ZRANB3: variants seen among roughly 807,000 people sequenced by gnomAD.
The protein encoded by ZRANB3 is zinc finger RANBP2-type containing 3, also known as DNA annealing helicase and endonuclease ZRANB3.
ZRANB3 carries 125 observed loss-of-function variants against 133.8 expected under a neutral mutation model. That is an observed-to-expected ratio of 0.93 (90% CI 0.81 to 1.08). The LOEUF (loss-of-function observed/expected upper bound fraction) is 1.08, where lower values mean the gene tolerates loss of function less well. Ranked by LOEUF, ZRANB3 falls within the 50% of genes least tolerant of loss-of-function variation. The pLI is 0.00. For missense variants in ZRANB3, 1,229 were observed against 1,275.5 expected, an observed-to-expected ratio of 0.96 and a Z score of 0.56; for synonymous variants, 387 against 432.7, an observed-to-expected ratio of 0.89 and a Z score of 1.31.
chr2:135,386,779 G>A (rs1029712276), intron 3 of ZRANB3, among the ~76,000 whole-genome samples: 1 of 152,088 alleles, frequency 6.6e-6, no homozygotes, highest in African/African-American at 2.4e-5. Context: ...ACTCTTAGGT[G>A]GGAACTGAAC....
intron 8 of ZRANB3, among the ~76,000 whole-genome samples, chr2:135,288,896 G>T (rs1681537551): frequency 6.6e-6 from 1 of 151,738 alleles, no homozygotes; most frequent in Non-Finnish European, 1.5e-5. Context: ...GTGTGTGTGT[G>T]TGTGTGTGTG....
chr2:135,313,418 T>C, intron 8 of ZRANB3, 71 bp downstream of exon 8: 1 of 991,636 alleles, frequency 1.0e-6, no homozygotes, highest in East Asian at 2.6e-5. Flanking sequence ...ATAACTTGCT[T>C]AATTAAAAAC....
chr2:135,269,282 T>G (rs956764769), intron 10 of ZRANB3, 141 bp from the exon 11 acceptor site: 1 of 620,972 alleles, frequency 1.6e-6, no homozygotes, highest in South Asian at 4.1e-5. Context: ...TAAGATTTAA[T>G]TCATGAAAGG....
intron 8 of ZRANB3, among the ~76,000 whole-genome samples, chr2:135,303,466 A>C (rs1466234005): frequency 6.6e-6 from 1 of 152,144 alleles, no homozygotes; most frequent in Non-Finnish European, 1.5e-5. Flanking sequence ...CCCGTTACTG[A>C]AAACTATAAT....
At chr2:135,231,487 C>T (rs572378623) in intron 12 of ZRANB3, among the ~76,000 whole-genome samples, 34 of 152,168 alleles carry the variant, frequency 2.2e-4, no homozygotes, top group Admixed American at 1.2e-3. Context: ...AGGCTGGGTG[C>T]GGTGGCTCAT....
In ZRANB3 at chr2:135,269,015, G is replaced by A. The variant is rs768329407; in HGVS notation, c.1333C>T (p.Leu445Phe). The change falls in exon 11 of 21, where the codon CTT (leucine) becomes TTT (phenylalanine). Residue 445 changes from leucine to phenylalanine, a missense_variant. Leu to Phe is a conservative substitution (Grantham distance 22). Coordinates refer to ENST00000264159, the MANE Select transcript of ZRANB3 (RefSeq NM_032143.4). ...GQCSSVNIHY[L>F]IANGTLDTLM... ...GTGTCTAGGGTTCCATTTGCAATAA[G>A]GTAGTGAATATTCACAGAACTGCAC... 2 of 1,612,046 alleles carry A rather than the reference G, an allele frequency of 1.2e-6. No homozygotes were observed. Among genetic ancestry groups the A allele is most frequent in the Non-Finnish European group, 8.5e-7 (1 of 1,179,338 alleles).
At chr2:135,482,798 C>T in intron 2 of ZRANB3, among the ~76,000 whole-genome samples, 1 of 152,154 alleles carries the variant, frequency 6.6e-6, no homozygotes, top group East Asian at 1.9e-4. Flanking sequence ...TCCATCAGTA[C>T]CTAATTTATT....
intron 12 of ZRANB3, among the ~76,000 whole-genome samples, chr2:135,238,455 G>T (rs1401778186): frequency 6.7e-6 from 1 of 149,396 alleles, no homozygotes; most frequent in African/African-American, 2.5e-5. Context: ...GTACAATGGC[G>T]CAATCTTGGC....
chr2:135,529,708 T>G (rs1026063249), intron 1 of ZRANB3, among the ~76,000 whole-genome samples: 24 of 151,682 alleles, frequency 1.6e-4, no homozygotes, highest in African/African-American at 4.8e-4. Flanking sequence ...AGACACAAGA[T>G]TTCACCATGT....
At chr2:135,294,780 G>C (rs997755688) in intron 8 of ZRANB3, among the ~76,000 whole-genome samples, 1 of 151,972 alleles carries the variant, frequency 6.6e-6, no homozygotes, top group Admixed American at 6.6e-5. Flanking sequence ...GTGTCCCAGA[G>C]ACTTTGGTAT....
intron 8 of ZRANB3, among the ~76,000 whole-genome samples, chr2:135,283,578 C>A (rs1681199632): frequency 6.7e-6 from 1 of 150,204 alleles, no homozygotes; most frequent in African/African-American, 2.5e-5. Flanking sequence ...GATCATGCCA[C>A]TGCACTCCAG....
At chr2:135,337,231 G>A (rs1230876389) in intron 6 of ZRANB3, among the ~76,000 whole-genome samples, 1 of 152,074 alleles carries the variant, frequency 6.6e-6, no homozygotes, top group Non-Finnish European at 1.5e-5. Flanking sequence ...TTCATATTCA[G>A]CTTAAGATGC....
chr2:135,266,894 C>G (rs527985499), intron 11 of ZRANB3, among the ~76,000 whole-genome samples: 92 of 152,250 alleles, frequency 6.0e-4, no homozygotes, highest in African/African-American at 2.0e-3. Flanking sequence ...CCCAGGTATT[C>G]CAAGTCTTCA....
chr2:135,446,218 A>G (rs1361147717), intron 2 of ZRANB3, among the ~76,000 whole-genome samples: 2 of 152,066 alleles, frequency 1.3e-5, no homozygotes, highest in Admixed American at 6.6e-5. Flanking sequence ...AAAAAAAAAA[A>G]AAAGAAAGAA....
chr2:135,466,509 G>C (rs1691008397), intron 2 of ZRANB3, among the ~76,000 whole-genome samples: 1 of 151,806 alleles, frequency 6.6e-6, no homozygotes. Flanking sequence ...TGGAAAGACA[G>C]TAAACTGCAA....
chr2:135,323,552 A>G (rs1221655295), intron 6 of ZRANB3, among the ~76,000 whole-genome samples: 2 of 152,222 alleles, frequency 1.3e-5, no homozygotes, highest in Non-Finnish European at 2.9e-5. Flanking sequence ...AAGTGCTCTG[A>G]AAGTGGAATA....
At chr2:135,236,449 A>G (rs1695287540) in intron 12 of ZRANB3, among the ~76,000 whole-genome samples, 1 of 152,188 alleles carries the variant, frequency 6.6e-6, no homozygotes, top group Non-Finnish European at 1.5e-5. Context: ...TTTAAAGTTC[A>G]TATGGAACCA....
chr2:135,203,380 G>T (rs1294218471), intron 19 of ZRANB3, among the ~76,000 whole-genome samples: 1 of 152,034 alleles, frequency 6.6e-6, no homozygotes, highest in African/African-American at 2.4e-5. Context: ...AGCACTTTGG[G>T]AGGCCAGGGC....
chr2:135,518,737 T>C (rs969150956), intron 1 of ZRANB3, among the ~76,000 whole-genome samples: 3 of 152,192 alleles, frequency 2.0e-5, no homozygotes, highest in Non-Finnish European at 4.4e-5. Flanking sequence ...CTGTAACTTG[T>C]AGTTATGGAG....
Sources: gnomAD v4.1 joint callset for allele counts (sites outside exome capture counted in the v4.1 genomes callset) on GRCh38, gnomAD v4.1.1 for gene constraint, MANE v1.5 for transcripts, NCBI Gene and HGNC (gene_info 2026-07-23, HGNC 2026-07-21) for gene names.